The following SNX9 variants were observed in gnomAD, a reference collection of about 807,000 sequenced individuals.
The protein encoded by SNX9 is sorting nexin-9.
Under a neutral mutation model 89.4 loss-of-function variants are expected in SNX9, and 44 were observed. The observed-to-expected ratio is 0.49, with a 90% CI of 0.39 to 0.63. The LOEUF (loss-of-function observed/expected upper bound fraction) is 0.63, where lower values mean the gene tolerates loss of function less well. SNX9 is among the 30% of genes least tolerant of loss of function. The pLI is 0.00. For synonymous variants in SNX9, 236 were observed against 247.8 expected, an observed-to-expected ratio of 0.95 and a Z score of 0.45; for missense variants, 578 against 736.1, an observed-to-expected ratio of 0.79 and a Z score of 2.49.
At chr6:157,881,725 C>T (rs1010196989) in intron 4 of SNX9, among the ~76,000 whole-genome samples, 1 of 152,142 alleles carries the variant, frequency 6.6e-6, no homozygotes, top group East Asian at 1.9e-4. Flanking sequence ...CACAACATTC[C>T]CTTAAGCCAA....
rs766962221 is a variant in SNX9 at position 157,875,016 on chromosome 6, C to G, written c.175-35C>G. 15 of 1,610,924 alleles carry G rather than the reference C, an allele frequency of 9.3e-6. No homozygotes were observed. The Admixed American group carries it at 2.5e-4, about 27-fold the overall frequency. On this transcript the variant is annotated intron_variant, in intron 3 of 17. Coordinates refer to ENST00000392185, the MANE Select transcript of SNX9 (RefSeq NM_016224.5). ...GAAGACTCCCTGAAGTGACCGTAATCTATGAAAATAATTGCGGCTCTTTCT... is the reference window on the plus strand; with the variant it reads ...GAAGACTCCCTGAAGTGACCGTAATGTATGAAAATAATTGCGGCTCTTTCT...
At chr6:157,880,283 T>C (rs1187947723) in intron 4 of SNX9, among the ~76,000 whole-genome samples, 3 of 152,242 alleles carry the variant, frequency 2.0e-5, no homozygotes, top group African/African-American at 7.2e-5. Flanking sequence ...ACATGGAAGA[T>C]ATTTCATAAA....
At chr6:157,850,484 T>C (rs1050076747) in intron 1 of SNX9, among the ~76,000 whole-genome samples, 3 of 152,158 alleles carry the variant, frequency 2.0e-5, no homozygotes, top group Non-Finnish European at 2.9e-5. Flanking sequence ...GAAGTTGTAA[T>C]CAGTGCGTGG....
chr6:157,942,764 C>T (rs371126781), intron 17 of SNX9, 27 bp from the exon 18 acceptor site: 26 of 1,612,504 alleles, frequency 1.6e-5, no homozygotes, highest in Non-Finnish European at 1.9e-5. Context: ...GATATCTCAA[C>T]GTTGTTTTGT....
chr6:157,927,600 T>A (rs985635715), intron 11 of SNX9, among the ~76,000 whole-genome samples: 39 of 152,220 alleles, frequency 2.6e-4, no homozygotes, highest in African/African-American at 9.2e-4. Context: ...TATGCTTTTT[T>A]AATCTGTTGA....
intron 1 of SNX9, among the ~76,000 whole-genome samples, chr6:157,824,258 T>TC (rs1288954014): frequency 2.0e-5 from 3 of 152,198 alleles, no homozygotes; most frequent in African/African-American, 4.8e-5. Context: ...AAAGCCACCC[T>TC]CCCCCGCTCC....
chr6:157,859,324 T>C (rs1782073045), intron 1 of SNX9, among the ~76,000 whole-genome samples: 1 of 152,262 alleles, frequency 6.6e-6, no homozygotes, highest in East Asian at 1.9e-4. Flanking sequence ...AATATAAATA[T>C]TCTGCTCATG....
intron 11 of SNX9, among the ~76,000 whole-genome samples, chr6:157,927,595 T>C (rs1411802124): frequency 6.6e-6 from 1 of 152,192 alleles, no homozygotes; most frequent in Non-Finnish European, 1.5e-5. Context: ...TTCTGTATGC[T>C]TTTTTAATCT....
At chr6:157,904,126 T>C (rs1783161979) in intron 6 of SNX9, among the ~76,000 whole-genome samples, 1 of 152,170 alleles carries the variant, frequency 6.6e-6, no homozygotes, top group Non-Finnish European at 1.5e-5. Flanking sequence ...AAATTAAATA[T>C]ACTTGAGCAC....
chr6:157,915,640 A>AAATATATATAT (rs1472422303), intron 9 of SNX9, among the ~76,000 whole-genome samples: 1 of 95,152 alleles, frequency 1.1e-5, no homozygotes, highest in African/African-American at 4.6e-5. Context: ...AAAAAAAAAA[A>AAATATATATAT]ATATATATAT....
rs1363457182 is a variant in SNX9 at position 157,943,377 on chromosome 6, A to G, written c.*539A>G. 1 of 152,298 alleles carries G rather than the reference A, an allele frequency of 6.6e-6. No individual in the cohort carries two copies. Among genetic ancestry groups the G allele is most frequent in the Non-Finnish European group, 1.5e-5 (1 of 68,102 alleles). The allele number at this position is 152,298 out of a possible 1,614,324, so 9.4% of individuals were successfully genotyped here. On this transcript the variant is annotated 3_prime_UTR_variant, in exon 18 of 18. Coordinates refer to ENST00000392185, the MANE Select transcript of SNX9 (RefSeq NM_016224.5). ...TTACGCCTTTCACTGCCACAGTTAC[A>G]GCTCAAGTGCTTACACTTCAAGAGG...
intron 9 of SNX9, among the ~76,000 whole-genome samples, chr6:157,916,712 A>G (rs1434947642): frequency 6.6e-6 from 1 of 152,218 alleles, no homozygotes; most frequent in African/African-American, 2.4e-5. Context: ...TGCTATTAAT[A>G]CAGCAAATCA....
At chr6:157,885,007 G>A (rs1782704511) in intron 4 of SNX9, 1 of 152,146 alleles carries the variant, frequency 6.6e-6, no homozygotes, top group Non-Finnish European at 1.5e-5. Flanking sequence ...GCTGATTGTA[G>A]CGCCATCCTA....
At chr6:157,930,276 G>A (rs1026824072) in intron 12 of SNX9, among the ~76,000 whole-genome samples, 2 of 152,190 alleles carry the variant, frequency 1.3e-5, no homozygotes, top group Non-Finnish European at 2.9e-5. Flanking sequence ...AGGAATAACA[G>A]TTGTTTCTTT....
At position 157,823,345 on chromosome 6, in the gene SNX9, C is replaced by T. The variant is rs994541632; in HGVS notation, c.-90C>T. 17 of 1,173,164 alleles carry T rather than the reference C, an allele frequency of 1.4e-5. No individual in the cohort carries two copies. The African/African-American group carries it at 1.5e-4, about 10-fold the overall frequency. The allele number at this position is 1,173,164 out of a possible 1,614,324, so 72.7% of individuals were successfully genotyped here. A position where few individuals can be genotyped will look rare whatever the true frequency, so the allele number is the denominator to read the frequency against. On this transcript the variant is annotated 5_prime_UTR_variant, in exon 1 of 18. Coordinates refer to ENST00000392185, the MANE Select transcript of SNX9 (RefSeq NM_016224.5). The surrounding 1 kb of genome is among the most constrained non-coding windows in gnomAD (Gnocchi z 4.6). ...CCGGGGCCCAGCCGGAGCCGCCGCCCTCGCCCTTGCCTTTGCCTGCGCGGC... is the reference window on the plus strand; with the variant it reads ...CCGGGGCCCAGCCGGAGCCGCCGCCTTCGCCCTTGCCTTTGCCTGCGCGGC...
chr6:157,826,815 A>AATATATATATTTTAT (rs1314017008), intron 1 of SNX9, among the ~76,000 whole-genome samples: 1 of 107,432 alleles, frequency 9.3e-6, no homozygotes, highest in African/African-American at 5.4e-5. Flanking sequence ...TTTATATATA[A>AATATATATATTTTAT]ATATATATTA....
chr6:157,843,866 A>G (rs1418533225), intron 1 of SNX9, among the ~76,000 whole-genome samples: 2 of 130,880 alleles, frequency 1.5e-5, no homozygotes, highest in African/African-American at 3.0e-5. Flanking sequence ...ATTATTTCCC[A>G]TTTGTCTTTT....
At chr6:157,871,849 T>A (rs1447147238) in intron 2 of SNX9, among the ~76,000 whole-genome samples, 1 of 148,922 alleles carries the variant, frequency 6.7e-6, no homozygotes, top group Non-Finnish European at 1.5e-5. Context: ...TGATCTTGGC[T>A]CACTGTAACC....
intron 9 of SNX9, among the ~76,000 whole-genome samples, chr6:157,914,070 T>C (rs1343982276): frequency 6.6e-6 from 1 of 152,174 alleles, no homozygotes; most frequent in African/African-American, 2.4e-5. Context: ...GCCCAACTGT[T>C]TTTCAAAGAA....
Sources: allele counts gnomAD v4.1 joint callset (sites outside exome capture counted in the v4.1 genomes callset), GRCh38; gene constraint gnomAD v4.1.1; non-coding constraint Gnocchi (gnomAD v3.1); transcripts MANE v1.5; gene names NCBI Gene and HGNC (gene_info 2026-07-23, HGNC 2026-07-21).